AGAP1: variants seen among roughly 807,000 people sequenced by gnomAD.
The protein encoded by AGAP1 is arf-GAP with GTPase, ANK repeat and PH domain-containing protein 1.
Under a neutral mutation model 105.3 loss-of-function variants are expected in AGAP1, and 29 were observed. The observed-to-expected ratio is 0.28, with a 90% CI of 0.21 to 0.38. AGAP1 has a LOEUF of 0.38. Ranked by LOEUF, AGAP1 falls within the 10% of genes least tolerant of loss-of-function variation. AGAP1 has a pLI of 1.00. For missense variants in AGAP1, 998 were observed against 1,165.1 expected (o/e 0.86, Z 2.09); for synonymous variants, 509 against 485.9 (o/e 1.05, Z -0.63).
At position 236,012,953 on chromosome 2, in the gene AGAP1, G is replaced by T. The variant is rs1184734077; in HGVS notation, c.1646-23608G>T. Among the ~76,000 whole-genome samples the T allele has an allele frequency of 1.3e-5, 2 of 152,024 alleles. No individual in the cohort carries two copies. The highest frequency in any genetic ancestry group is 2.1e-4 in the South Asian group (1 of 4,820). On this transcript the variant is annotated intron_variant, in intron 13 of 17. Coordinates refer to ENST00000304032, the MANE Select transcript of AGAP1 (RefSeq NM_001037131.3). This position sits in a 1 kb window ranked among gnomAD's most constrained non-coding sequence, Gnocchi z 4.9. ...GTAGAGACGGTGTTTTGCCATGTTG[G>T]CCAGGCTGGTTTCGAACTTCTGTCC...
rs1025922788 is a variant in AGAP1 at position 235,787,502 on chromosome 2, G to A, written c.674-10257G>A. Among the ~76,000 whole-genome samples, 2 of 152,324 alleles carry A rather than the reference G, an allele frequency of 1.3e-5. No homozygotes were observed. Among genetic ancestry groups the A allele is most frequent in the Middle Eastern group, 3.4e-3 (1 of 294 alleles). On this transcript the variant is annotated intron_variant, in intron 6 of 17. Coordinates refer to ENST00000304032, the MANE Select transcript of AGAP1 (RefSeq NM_001037131.3). The surrounding 1 kb of genome is among the most constrained non-coding windows in gnomAD (Gnocchi z 4.4). ...TAACACATTGGGAGAGAAAGGTGCA[G>A]ACAAGGTGTGCAGGAGGTGGATGTG... is the stretch of plus-strand genomic sequence containing the variant.
rs141320274 is a variant in AGAP1 at position 235,753,548 on chromosome 2, T to C, written c.673+3060T>C. ...GGCGAAATCCCATCTCTACTAAAAT[T>C]GCAAAAAATTAGCCGGGCATGGTGG... On this transcript the variant is annotated intron_variant, in intron 6 of 17. Transcript: ENST00000304032. The surrounding 1 kb of genome is among the most constrained non-coding windows in gnomAD (Gnocchi z 4.5). Among the ~76,000 whole-genome samples the C allele has an allele frequency of 0.014, 2,201 of 152,042 alleles. 31 individuals carry two copies. Among genetic ancestry groups the C allele is most frequent in the Non-Finnish European group, 0.019 (1,317 of 67,978 alleles).
At chr2:235,928,200 G>T (rs1390073336) in intron 11 of AGAP1, among the ~76,000 whole-genome samples, 2 of 152,316 alleles carry the variant, frequency 1.3e-5, no homozygotes, top group African/African-American at 4.8e-5. Flanking sequence ...GTGTCTGGAA[G>T]CCTTTTGTCT....
At chr2:235,603,126 G>T (rs529862598) in intron 1 of AGAP1, among the ~76,000 whole-genome samples, 28 of 152,290 alleles carry the variant, frequency 1.8e-4, no homozygotes, top group Non-Finnish European at 2.6e-4. Context: ...TGAATCATGA[G>T]GGTGGTTTCC....
chr2:235,659,811 C>A lies in AGAP1; in HGVS notation c.164-49368C>A, dbSNP rs1412723718. ...TGGGGCCCTGGCCTCTGCAGATAAG[C>A]CCTCGGATGCGAAATCTGGGGAACC... On this transcript the variant is annotated intron_variant, in intron 1 of 17. Coordinates refer to ENST00000304032, the MANE Select transcript of AGAP1 (RefSeq NM_001037131.3). This position sits in a 1 kb window ranked among gnomAD's most constrained non-coding sequence, Gnocchi z 5.0. Among the ~76,000 whole-genome samples the A allele has an allele frequency of 1.3e-5, 2 of 152,220 alleles. No homozygotes were observed. Among genetic ancestry groups the A allele is most frequent in the African/African-American group, 4.8e-5 (2 of 41,454 alleles).
chr2:235,926,575 A>C (rs1192609937), intron 11 of AGAP1, among the ~76,000 whole-genome samples: 1 of 152,232 alleles, frequency 6.6e-6, no homozygotes, highest in Non-Finnish European at 1.5e-5. Context: ...ATGTTTCTGC[A>C]TTATCACACA....
chr2:236,088,601 T>C (rs1302203817), intron 16 of AGAP1, among the ~76,000 whole-genome samples: 1 of 152,264 alleles, frequency 6.6e-6, no homozygotes. Flanking sequence ...CTTTCATGTT[T>C]ACTGATGCAT....
Position 235,659,681 on chromosome 2 carries a change from A to G in AGAP1, c.164-49498A>G, listed in dbSNP as rs998026774. On this transcript the variant is annotated intron_variant, in intron 1 of 17. Transcript: ENST00000304032. The surrounding 1 kb of genome is among the most constrained non-coding windows in gnomAD (Gnocchi z 5.0). ...TGCATCAACTCTGGGGATGGGTTCA[A>G]TTATTATCCTCTCTGTAAACAGTTC... 3.9e-5 allele frequency among the ~76,000 whole-genome samples: 6 copies of G among 152,198 alleles called. No homozygotes were observed. The highest frequency in any genetic ancestry group is 7.3e-5 in the Non-Finnish European group (5 of 68,042).
chr2:236,090,526 G>A lies in AGAP1; in HGVS notation c.2115-29666G>A, dbSNP rs1482455213. On this transcript the variant is annotated intron_variant, in intron 16 of 17. Coordinates refer to ENST00000304032, the MANE Select transcript of AGAP1 (RefSeq NM_001037131.3). This position sits in a 1 kb window ranked among gnomAD's most constrained non-coding sequence, Gnocchi z 4.3. ...GGAACAGAGGCATGGAAAAGCAAAC[G>A]GGCTTTGCCAAGCGAGTGAGAGGCG... 2.6e-5 allele frequency among the ~76,000 whole-genome samples: 4 copies of A among 152,118 alleles called. No individual in the cohort carries two copies. The highest frequency in any genetic ancestry group is 5.9e-5 in the Non-Finnish European group (4 of 68,024).
Position 235,799,342 on chromosome 2 carries a change from A to T in AGAP1, c.802-25A>T. 1 of 1,610,274 alleles carries T rather than the reference A, an allele frequency of 6.2e-7. No individual in the cohort carries two copies. Among genetic ancestry groups the T allele is most frequent in the South Asian group, 1.1e-5 (1 of 90,450 alleles). On this transcript the variant is annotated intron_variant, in intron 7 of 17. Transcript: ENST00000304032. This position sits in a 1 kb window ranked among gnomAD's most constrained non-coding sequence, Gnocchi z 5.0. Reference sequence around the variant, plus strand: ...TGGGTTCCTGAGTATGTCGTTAATGAAACCTTGGATTTTAATCATTTCAGA... The same window carrying T: ...TGGGTTCCTGAGTATGTCGTTAATGTAACCTTGGATTTTAATCATTTCAGA...
At chr2:235,629,886 AAGAAC>A in intron 1 of AGAP1, among the ~76,000 whole-genome samples, 1 of 146,984 alleles carries the variant, frequency 6.8e-6, no homozygotes, top group Non-Finnish European at 1.5e-5. Context: ...AAAAAAAAGA[AAGAAC>A]AGAAATCACC....
In AGAP1 at chr2:235,905,816, G is replaced by C. The variant is rs1248581381; in HGVS notation, c.1156-2922G>C. 1.3e-5 allele frequency among the ~76,000 whole-genome samples: 2 copies of C among 152,168 alleles called. No homozygotes were observed. The highest frequency in any genetic ancestry group is 2.9e-5 in the Non-Finnish European group (2 of 68,024). ...GCCCCGCCTGATGTGCTTTTCATTT[G>C]TCACCCTCAACACAGCGCAGTCCTG... On this transcript the variant is annotated intron_variant, in intron 10 of 17. Coordinates refer to ENST00000304032, the MANE Select transcript of AGAP1 (RefSeq NM_001037131.3). This position sits in a 1 kb window ranked among gnomAD's most constrained non-coding sequence, Gnocchi z 4.2.
rs186027187 is a variant in AGAP1 at position 235,740,707 on chromosome 2, A to C, written c.311-256A>C. Among the ~76,000 whole-genome samples the C allele has an allele frequency of 6.6e-6, 1 of 152,228 alleles. No homozygotes were observed. The highest frequency in any genetic ancestry group is 1.9e-4 in the East Asian group (1 of 5,194). The stretch of plus-strand genomic sequence containing the variant: ...AAAGCCCACATGAGAAGTCCACACT[A>C]ATTGGCCACGAGTGTCTGGCATTGC... On this transcript the variant is annotated intron_variant, in intron 3 of 17. Transcript: ENST00000304032. The surrounding 1 kb of genome is among the most constrained non-coding windows in gnomAD (Gnocchi z 5.7).
rs766847511 is a variant in AGAP1 at position 235,957,374 on chromosome 2, C to T, written c.1484-11088C>T. 1.3e-5 allele frequency among the ~76,000 whole-genome samples: 2 copies of T among 152,168 alleles called. No individual in the cohort carries two copies. The highest frequency in any genetic ancestry group is 2.1e-4 in the South Asian group (1 of 4,832). On this transcript the variant is annotated intron_variant, in intron 12 of 17. Coordinates refer to ENST00000304032, the MANE Select transcript of AGAP1 (RefSeq NM_001037131.3). The surrounding 1 kb of genome is among the most constrained non-coding windows in gnomAD (Gnocchi z 4.6). Reference sequence around the variant, plus strand: ...CCTCCTATTGTATTCCTTTCCTCCCCGTTTTTATAACTCAGTCTAACACTG... The same window carrying T: ...CCTCCTATTGTATTCCTTTCCTCCCTGTTTTTATAACTCAGTCTAACACTG...
intron 1 of AGAP1, among the ~76,000 whole-genome samples, chr2:235,500,225 A>G (rs1395837452): frequency 1.3e-5 from 2 of 152,038 alleles, no homozygotes; most frequent in African/African-American, 2.4e-5. Context: ...TATTAAGAGG[A>G]CAAATGGGTG....
At chr2:235,894,762 A>C (rs1039941103) in intron 10 of AGAP1, among the ~76,000 whole-genome samples, 1 of 152,070 alleles carries the variant, frequency 6.6e-6, no homozygotes, top group African/African-American at 2.4e-5. Flanking sequence ...TCCCTCCTTT[A>C]TTCTAAAGTG....
intron 8 of AGAP1, among the ~76,000 whole-genome samples, chr2:235,806,432 T>TGAG (rs1957837452): frequency 6.6e-6 from 1 of 152,110 alleles, no homozygotes; most frequent in Non-Finnish European, 1.5e-5. Context: ...GAGAGGAGAC[T>TGAG]GAGACGATGG....
At position 236,104,658 on chromosome 2, in the gene AGAP1, A is replaced by G. The variant is rs1321271349; in HGVS notation, c.2115-15534A>G. 6.6e-6 allele frequency among the ~76,000 whole-genome samples: 1 copy of G among 152,208 alleles called. No homozygotes were observed. Among genetic ancestry groups the G allele is most frequent in the Admixed American group, 6.5e-5 (1 of 15,284 alleles). On this transcript the variant is annotated intron_variant, in intron 16 of 17. Transcript: ENST00000304032. This position sits in a 1 kb window ranked among gnomAD's most constrained non-coding sequence, Gnocchi z 4.7. ...GTAATGCCAGCACTTTGGGAGGCCAAGGTGGGTGGATCACAAGGGCAGGAG... is the reference window on the plus strand; with the variant it reads ...GTAATGCCAGCACTTTGGGAGGCCAGGGTGGGTGGATCACAAGGGCAGGAG...
chr2:235,912,914 A>G (rs1335385701), intron 11 of AGAP1, among the ~76,000 whole-genome samples: 1 of 152,182 alleles, frequency 6.6e-6, no homozygotes, highest in African/African-American at 2.4e-5. Flanking sequence ...TATTAGGTGT[A>G]TGTGTTTCTT....
Sources: gnomAD v4.1 joint callset for allele counts (sites outside exome capture counted in the v4.1 genomes callset) on GRCh38, gnomAD v4.1.1 for gene constraint, Gnocchi (gnomAD v3.1) non-coding constraint, MANE v1.5 for transcripts, NCBI Gene and HGNC (gene_info 2026-07-23, HGNC 2026-07-21) for gene names.